Variants in SNX1 observed in about 807,000 individuals in gnomAD.
The protein encoded by SNX1 is sorting nexin 1, also known as sorting nexin-1.
Under a neutral mutation model 71.8 loss-of-function variants are expected in SNX1, and 36 were observed. The observed-to-expected ratio is 0.50, with a 90% CI of 0.38 to 0.66. SNX1 has a LOEUF of 0.66. Ranked by LOEUF, SNX1 falls within the 30% of genes least tolerant of loss-of-function variation. SNX1 has a pLI of 0.00. For synonymous variants in SNX1, 254 were observed against 240.7 expected, an observed-to-expected ratio of 1.06 and a Z score of -0.51; for missense variants, 612 against 646.7, an observed-to-expected ratio of 0.95 and a Z score of 0.58.
In SNX1 at chr15:64,118,837, C is replaced by G; in HGVS notation, c.449C>G (p.Thr150Ser). The G allele has an allele frequency of 1.2e-6, 2 of 1,613,102 alleles. No homozygotes were observed. The highest frequency in any genetic ancestry group is 8.5e-7 in the Non-Finnish European group (1 of 1,179,362). Reference protein sequence around the residue: ...EDQFDLTVGITDPEKIGDGMN... With the variant: ...EDQFDLTVGISDPEKIGDGMN... Reference sequence around the variant, plus strand: ...CAATTTGATTTGACAGTCGGTATAACTGATCCTGAGAAGATAGGTAAGTGG... The same window carrying G: ...CAATTTGATTTGACAGTCGGTATAAGTGATCCTGAGAAGATAGGTAAGTGG... The change falls in exon 4 of 15, where the codon ACT (threonine) becomes AGT (serine). Residue 150 changes from threonine (T) to serine (S), a missense_variant. Thr to Ser is a moderately conservative substitution (Grantham distance 58). Around this residue, in one of 2 missense-constraint regions of SNX1, gnomAD observed 316 missense variants for 284.9 expected, o/e 1.11. Coordinates refer to ENST00000559844, the MANE Select transcript of SNX1 (RefSeq NM_003099.5).
At chr15:64,103,338 C>T (rs933946007) in intron 1 of SNX1, among the ~76,000 whole-genome samples, 2 of 152,104 alleles carry the variant, frequency 1.3e-5, no homozygotes, top group African/African-American at 2.4e-5. Flanking sequence ...TGAGTGTTCC[C>T]CTTTCTCCAT....
At chr15:64,122,054 G>T (rs1222951704) in intron 4 of SNX1, among the ~76,000 whole-genome samples, 1 of 152,140 alleles carries the variant, frequency 6.6e-6, no homozygotes, top group East Asian at 1.9e-4. Flanking sequence ...CTATGTACAT[G>T]CAGTATGTCT....
rs943545292 is a variant in SNX1 at position 64,142,962 on chromosome 15, A to T, written c.*5344A>T. On this transcript the variant is annotated 3_prime_UTR_variant, in exon 15 of 15. Transcript: ENST00000559844. ...GGGAGGAACTCCTGGAAATCTCAGG[A>T]TGGGGCCAAGATGTGGCTGGAGAGT... is the stretch of plus-strand genomic sequence containing the variant. 6.7e-5 allele frequency: 19 copies of T among 284,588 alleles called. No individual in the cohort carries two copies. The highest frequency in any genetic ancestry group is 1.0e-4 in the Non-Finnish European group (15 of 144,294). 17.6% of individuals were successfully genotyped at this position (284,588 alleles called of 1,614,324 possible). A position where few individuals can be genotyped will look rare whatever the true frequency, so the allele number is the denominator to read the frequency against.
intron 4 of SNX1, among the ~76,000 whole-genome samples, chr15:64,119,842 C>G (rs2081176840): frequency 6.6e-6 from 1 of 151,882 alleles, no homozygotes; most frequent in Non-Finnish European, 1.5e-5. Flanking sequence ...CTAAAAAATA[C>G]ATGTTCTAAA....
Position 64,141,421 on chromosome 15 carries a change from G to C in SNX1, c.*3803G>C, listed in dbSNP as rs1198697744. ...TCAAGTAGGCCAGTAGTGGGTTAGG[G>C]GTACTGAGCCAGAAGCCTCTACAAG... On this transcript the variant is annotated 3_prime_UTR_variant, in exon 15 of 15. Coordinates refer to ENST00000559844, the MANE Select transcript of SNX1 (RefSeq NM_003099.5). This position sits in a 1 kb window ranked among gnomAD's most constrained non-coding sequence, Gnocchi z 5.1. 6.6e-6 allele frequency: 1 copy of C among 152,234 alleles called. No individual in the cohort carries two copies. Among genetic ancestry groups the C allele is most frequent in the Admixed American group, 6.5e-5 (1 of 15,268 alleles). The allele number at this position is 152,234 out of a possible 1,614,324, so 9.4% of individuals were successfully genotyped here. A position where few individuals can be genotyped will look rare whatever the true frequency, so the allele number is the denominator to read the frequency against.
At chr15:64,108,296 A>G (rs2081043452) in intron 1 of SNX1, among the ~76,000 whole-genome samples, 1 of 152,124 alleles carries the variant, frequency 6.6e-6, no homozygotes, top group African/African-American at 2.4e-5. Context: ...TACTTCCCCC[A>G]CAGTAAATTC....
At position 64,138,174 on chromosome 15, in the gene SNX1, G is replaced by T; in HGVS notation, c.*556G>T. On this transcript the variant is annotated 3_prime_UTR_variant, in exon 15 of 15. Coordinates refer to ENST00000559844, the MANE Select transcript of SNX1 (RefSeq NM_003099.5). ...CTGGAAATGGGGTTTCTTTCTCTCC[G>T]CCTACCTCAGCTACCTGTTCTGAGG... is the stretch of plus-strand genomic sequence containing the variant. 2 of 1,535,168 alleles carry T rather than the reference G, an allele frequency of 1.3e-6. No individual in the cohort carries two copies. The highest frequency in any genetic ancestry group is 2.4e-5 in the South Asian group (2 of 83,954).
intron 7 of SNX1, among the ~76,000 whole-genome samples, chr15:64,127,509 C>G (rs572874276): frequency 6.6e-6 from 1 of 152,244 alleles, no homozygotes; most frequent in South Asian, 2.1e-4. Flanking sequence ...ATGAATGGCT[C>G]TGAGGTTTCT....
At chr15:64,114,726 A>G (rs2081111698) in intron 2 of SNX1, among the ~76,000 whole-genome samples, 1 of 152,246 alleles carries the variant, frequency 6.6e-6, no homozygotes, top group South Asian at 2.1e-4. Flanking sequence ...GAAATTTAAA[A>G]GACATACAAG....
chr15:64,101,321 A>C (rs371079142), intron 1 of SNX1, among the ~76,000 whole-genome samples: 1 of 152,168 alleles, frequency 6.6e-6, no homozygotes, highest in Non-Finnish European at 1.5e-5. Flanking sequence ...TGTTTCTGTC[A>C]ATTTGTCTAT....
In SNX1 at chr15:64,127,270, A is replaced by G. The variant is rs774309558; in HGVS notation, c.731+18A>G. On this transcript the variant is annotated intron_variant, in intron 7 of 14. Transcript: ENST00000559844. ...TTAGAAAGGTAAGTGCCATGCAGCC[A>G]TTTTCCTGAATAATGTGAGGACAAA... 6.9e-6 allele frequency: 11 copies of G among 1,588,436 alleles called. No homozygotes were observed. Among genetic ancestry groups the G allele is most frequent in the Non-Finnish European group, 8.6e-6 (10 of 1,161,064 alleles).
Position 64,138,428 on chromosome 15 carries a change from G to A in SNX1, c.*810G>A. On this transcript the variant is annotated 3_prime_UTR_variant, in exon 15 of 15. Coordinates refer to ENST00000559844, the MANE Select transcript of SNX1 (RefSeq NM_003099.5). ...CAGGGTTCTCTGAGTCTTGCCCTCT[G>A]ATGGCAAGTCTTATATATAACTAAA... The A allele has an allele frequency of 2.1e-6, 1 of 477,738 alleles. No individual in the cohort carries two copies. Among genetic ancestry groups the A allele is most frequent in the Non-Finnish European group, 3.6e-6 (1 of 275,182 alleles). The allele number at this position is 477,738 out of a possible 1,614,324, so 29.6% of individuals were successfully genotyped here.
At chr15:64,102,124 A>T (rs1209248645) in intron 1 of SNX1, among the ~76,000 whole-genome samples, 1 of 152,214 alleles carries the variant, frequency 6.6e-6, no homozygotes, top group Non-Finnish European at 1.5e-5. Context: ...TGCTGTTTTG[A>T]TAAAAATTTT....
intron 12 of SNX1, among the ~76,000 whole-genome samples, chr15:64,135,571 C>T (rs1319837031): frequency 6.6e-6 from 1 of 151,238 alleles, no homozygotes; most frequent in Non-Finnish European, 1.5e-5. Context: ...TCTTGGCCAA[C>T]ATGGTGAAAC....
Position 64,127,785 on chromosome 15 carries a change from A to C in SNX1, c.786A>C (p.Arg262Ser). Residue 262 changes from arginine (R) to serine (S), a missense_variant, in exon 8 of 15, where the codon AGA becomes AGC. Physicochemically the swap from Arg to Ser is moderately radical, Grantham distance 110 (BLOSUM62 -1). Transcript: ENST00000559844. ...HPTMLQDPDV[R>S]EFLEKEELPR... The stretch of plus-strand genomic sequence containing the variant: ...CCATGTTACAGGACCCTGACGTCAG[A>C]GAGTTCTTGGAAAAAGAAGAGGTTA... 1 of 1,613,872 alleles carries C rather than the reference A, an allele frequency of 6.2e-7. No homozygotes were observed. Among genetic ancestry groups the C allele is most frequent in the Non-Finnish European group, 8.5e-7 (1 of 1,179,724 alleles).
chr15:64,136,829 C>A, intron 13 of SNX1, 32 bp from the exon 14 acceptor site: 2 of 1,572,744 alleles, frequency 1.3e-6, no homozygotes, highest in Non-Finnish European at 1.7e-6. Flanking sequence ...AAAGCAAAAA[C>A]TGGATGGTCA....
At chr15:64,101,237 A>G (rs931269579) in intron 1 of SNX1, among the ~76,000 whole-genome samples, 3 of 152,196 alleles carry the variant, frequency 2.0e-5, no homozygotes, top group Non-Finnish European at 4.4e-5. Flanking sequence ...AAACTTCCTC[A>G]TTTTGCAAAT....
At position 64,143,828 on chromosome 15, in the gene SNX1, T is replaced by G. The variant is rs2081438109; in HGVS notation, c.*6210T>G. The G allele has an allele frequency of 6.6e-6, 1 of 152,206 alleles. No homozygotes were observed. Among genetic ancestry groups the G allele is most frequent in the Non-Finnish European group, 1.5e-5 (1 of 68,036 alleles). The allele number at this position is 152,206 out of a possible 1,614,324, so 9.4% of individuals were successfully genotyped here. Reference sequence around the variant, plus strand: ...ATAGGCACTTCTAGAAACCAAATCCTTGAAGATGACTAACCAGAAATGCCC... The same window carrying G: ...ATAGGCACTTCTAGAAACCAAATCCGTGAAGATGACTAACCAGAAATGCCC... On this transcript the variant is annotated 3_prime_UTR_variant, in exon 15 of 15. Coordinates refer to ENST00000559844, the MANE Select transcript of SNX1 (RefSeq NM_003099.5).
At chr15:64,133,713 T>C (rs932990370) in intron 11 of SNX1, among the ~76,000 whole-genome samples, 7 of 152,164 alleles carry the variant, frequency 4.6e-5, no homozygotes, top group Admixed American at 2.6e-4. Context: ...CCAGCCTGAG[T>C]GACAAGAGTG....
Sources: gnomAD v4.1 joint callset for allele counts (sites outside exome capture counted in the v4.1 genomes callset) on GRCh38, gnomAD v4.1.1 for gene constraint, gnomAD v4.1.1 regional missense constraint, Gnocchi (gnomAD v3.1) non-coding constraint, MANE v1.5 for transcripts, NCBI Gene and HGNC (gene_info 2026-07-23, HGNC 2026-07-21) for gene names.